The following CSMD3 variants were observed in gnomAD, a reference collection of about 807,000 sequenced individuals.
CSMD3 encodes the protein CUB and sushi domain-containing protein 3.
A neutral mutation model predicts 435.2 loss-of-function variants in CSMD3; 177 were observed. That is an observed-to-expected ratio of 0.41 (90% CI 0.36 to 0.46). CSMD3 has a LOEUF of 0.46. Among genes scored for constraint, CSMD3 ranks in the 20% least tolerant of loss-of-function variants. CSMD3 has a pLI of 0.34. For missense variants in CSMD3, 4,265 were observed against 4,504.6 expected, an observed-to-expected ratio of 0.95 and a Z score of 1.52; for synonymous variants, 1,656 against 1,520.5, an observed-to-expected ratio of 1.09 and a Z score of -2.07.
chr8:113,256,047 A>T (rs1308526921), intron 3 of CSMD3, among the ~76,000 whole-genome samples: 1 of 152,082 alleles, frequency 6.6e-6, no homozygotes, highest in Non-Finnish European at 1.5e-5. Context: ...GCATTTACTC[A>T]AATGAAGAGA....
At chr8:112,546,286 A>T (rs1310352049) in intron 27 of CSMD3, among the ~76,000 whole-genome samples, 1 of 152,142 alleles carries the variant, frequency 6.6e-6, no homozygotes. Flanking sequence ...AGTGATGTCC[A>T]ATTTTGTATT....
chr8:113,029,928 A>G (rs2087021965), intron 5 of CSMD3, among the ~76,000 whole-genome samples: 1 of 151,602 alleles, frequency 6.6e-6, no homozygotes, highest in Non-Finnish European at 1.5e-5. Flanking sequence ...AATTCAGCAA[A>G]GTTTCCGCAT....
chr8:112,350,015 G>A (rs964470994), intron 40 of CSMD3, among the ~76,000 whole-genome samples: 2 of 152,028 alleles, frequency 1.3e-5, no homozygotes, highest in African/African-American at 4.8e-5. Flanking sequence ...CCTTTAAGAA[G>A]AGGAAGAGAC....
intron 19 of CSMD3, among the ~76,000 whole-genome samples, chr8:112,647,362 C>T (rs2075009085): frequency 6.8e-6 from 1 of 147,360 alleles, no homozygotes; most frequent in Non-Finnish European, 1.5e-5. Context: ...AGTGCAGTGG[C>T]GCTATCTCGG....
chr8:112,920,750 C>T (rs1455705604), intron 10 of CSMD3, among the ~76,000 whole-genome samples: 1 of 151,668 alleles, frequency 6.6e-6, no homozygotes, highest in African/African-American at 2.4e-5. Context: ...CATTTGAACT[C>T]CCATGTTAAA....
At chr8:112,895,483 T>A (rs2081924620) in intron 10 of CSMD3, among the ~76,000 whole-genome samples, 1 of 151,222 alleles carries the variant, frequency 6.6e-6, no homozygotes, top group Non-Finnish European at 1.5e-5. Flanking sequence ...AATGATCACA[T>A]GTGCAGAATA....
In CSMD3 at chr8:112,548,640, T is replaced by C. The variant is rs577981636; in HGVS notation, c.4564+2031A>G. On this transcript the variant is annotated intron_variant, in intron 27 of 70. Transcript: ENST00000297405. ...TGAGAATTAAATGAGATTATGTATA[T>C]AAAGCATTTAACTTGATTCTTGGCA... Among the ~76,000 whole-genome samples the C allele has an allele frequency of 9.2e-5, 14 of 152,218 alleles. No homozygotes were observed. The South Asian group carries it at 2.5e-3, about 27-fold the overall frequency.
intron 5 of CSMD3, among the ~76,000 whole-genome samples, chr8:113,040,830 A>G (rs531687432): frequency 1.3e-5 from 2 of 152,274 alleles, no homozygotes; most frequent in Non-Finnish European, 2.9e-5. Context: ...TAAGACAGTG[A>G]GCATAAATAG....
intron 6 of CSMD3, among the ~76,000 whole-genome samples, chr8:112,978,646 A>G (rs1025426090): frequency 1.3e-5 from 2 of 152,042 alleles, no homozygotes; most frequent in Non-Finnish European, 2.9e-5. Context: ...GTTGAAATAA[A>G]GCATTAAACC....
At chr8:112,793,712 A>T (rs1228864432) in intron 13 of CSMD3, among the ~76,000 whole-genome samples, 1 of 152,184 alleles carries the variant, frequency 6.6e-6, no homozygotes, top group Non-Finnish European at 1.5e-5. Flanking sequence ...GATTGGTTAC[A>T]GCATGACTGT....
chr8:112,405,755 T>A (rs1831797384), intron 35 of CSMD3, among the ~76,000 whole-genome samples: 1 of 152,068 alleles, frequency 6.6e-6, no homozygotes, highest in African/African-American at 2.4e-5. Flanking sequence ...TAATTCATAT[T>A]TTCTAATTCT....
At chr8:112,656,747 T>C (rs1186185194) in intron 17 of CSMD3, among the ~76,000 whole-genome samples, 1 of 152,130 alleles carries the variant, frequency 6.6e-6, no homozygotes, top group Non-Finnish European at 1.5e-5. Flanking sequence ...CATTTCAAAT[T>C]TGACATCTGC....
At chr8:113,257,429 A>G (rs1481309633) in intron 3 of CSMD3, among the ~76,000 whole-genome samples, 1 of 152,068 alleles carries the variant, frequency 6.6e-6, no homozygotes, top group African/African-American at 2.4e-5. Flanking sequence ...ATAAATAAAT[A>G]AAAATGACAA....
intron 3 of CSMD3, among the ~76,000 whole-genome samples, chr8:113,231,719 A>T (rs1426145284): frequency 6.6e-6 from 1 of 151,538 alleles, no homozygotes; most frequent in East Asian, 1.9e-4. Flanking sequence ...AGATATTAAC[A>T]CATTTTATGG....
intron 32 of CSMD3, among the ~76,000 whole-genome samples, chr8:112,437,224 T>C (rs1203372003): frequency 1.3e-5 from 2 of 150,370 alleles, no homozygotes; most frequent in South Asian, 2.1e-4. Flanking sequence ...ATGTTTCAGA[T>C]GTAAATCACT....
chr8:113,063,525 T>TA (rs1322157213), intron 5 of CSMD3, among the ~76,000 whole-genome samples: 6 of 152,000 alleles, frequency 3.9e-5, no homozygotes, highest in Admixed American at 6.6e-5. Context: ...GCATGCTACT[T>TA]ATACACTTGA....
chr8:113,373,093 T>A (rs1229054778), intron 1 of CSMD3, among the ~76,000 whole-genome samples: 4 of 152,190 alleles, frequency 2.6e-5, no homozygotes, highest in Non-Finnish European at 4.4e-5. Flanking sequence ...TCAACGGGAT[T>A]AGCTGCTAGT....
intron 10 of CSMD3, among the ~76,000 whole-genome samples, chr8:112,881,814 G>T (rs1291105091): frequency 6.6e-6 from 1 of 151,930 alleles, no homozygotes; most frequent in African/African-American, 2.4e-5. Context: ...TTCCCGATTA[G>T]GAGACTACTG....
At chr8:113,405,804 C>A (rs932744009) in intron 1 of CSMD3, among the ~76,000 whole-genome samples, 14 of 151,660 alleles carry the variant, frequency 9.2e-5, no homozygotes, top group African/African-American at 3.4e-4. Context: ...AAATTTTCAG[C>A]CTATGATCTA....
Sources: gnomAD v4.1 joint callset for allele counts (sites outside exome capture counted in the v4.1 genomes callset) on GRCh38, gnomAD v4.1.1 for gene constraint, MANE v1.5 for transcripts, NCBI Gene and HGNC (gene_info 2026-07-23, HGNC 2026-07-21) for gene names.